The following TEX10 variants were observed in gnomAD, a reference collection of about 807,000 sequenced individuals.
TEX10 encodes the protein testis expressed 10, also known as testis-expressed protein 10.
In TEX10, 24 loss-of-function variants were observed where a neutral mutation model predicts 104.4. That is an observed-to-expected ratio of 0.23 (90% CI 0.17 to 0.32). The LOEUF (loss-of-function observed/expected upper bound fraction) is 0.32, where lower values mean the gene tolerates loss of function less well. TEX10 is among the 10% of genes least tolerant of loss of function. TEX10 has a pLI of 1.00. For missense variants in TEX10, 921 were observed against 1,083.9 expected (o/e 0.85, Z 2.11); for synonymous variants, 396 against 393.4 (o/e 1.01, Z -0.08).
chr9:100,321,595 CAAACTGAT>C, intron 10 of TEX10, 80 bp downstream of exon 10: 1 of 1,088,820 alleles, frequency 9.2e-7, no homozygotes, highest in Non-Finnish European at 1.4e-6. Flanking sequence ...AAAACTGAAC[CAAACTGAT>C]AAAATGGCAA....
Position 100,340,286 on chromosome 9 carries a change from G to C in TEX10, c.1221C>G (p.Thr407=), listed in dbSNP as rs1310118636. ...SRFPYVLKEI[T]KHKRKEPNKS... is the part of the protein sequence containing the mutation. ...TATTTGGCTCTTTCCTTTTGTGCTTGGTTATTTCTTTTAAGACATATGGAA... is the reference window on the plus strand; with the variant it reads ...TATTTGGCTCTTTCCTTTTGTGCTTCGTTATTTCTTTTAAGACATATGGAA... Residue 407 remains threonine, a synonymous_variant, in exon 5 of 15, where the codon ACC becomes ACG. Transcript: ENST00000374902. The C allele has an allele frequency of 2.5e-6, 4 of 1,573,116 alleles. No individual in the cohort carries two copies. The highest frequency in any genetic ancestry group is 2.8e-5 in the African/African-American group (2 of 72,168).
chr9:100,309,431 A>G (rs920443322), intron 12 of TEX10, among the ~76,000 whole-genome samples: 4 of 152,186 alleles, frequency 2.6e-5, no homozygotes, highest in Non-Finnish European at 5.9e-5. Flanking sequence ...CTGTGTGAAA[A>G]TAGTGGCCAA....
At chr9:100,345,345 TAAACTTCAACTTGAAATAAAAATAA>T in intron 4 of TEX10, among the ~76,000 whole-genome samples, 1 of 152,350 alleles carries the variant, frequency 6.6e-6, no homozygotes, top group Non-Finnish European at 1.5e-5. Flanking sequence ...TGACTCATTC[TAAACTTCAACTTGAAATAAAAATAA>T]AACAAAAACA....
intron 5 of TEX10, among the ~76,000 whole-genome samples, chr9:100,335,568 C>T (rs1834985809): frequency 6.6e-6 from 1 of 152,034 alleles, no homozygotes; most frequent in East Asian, 1.9e-4. Flanking sequence ...GTGAAACTGG[C>T]TTGTTTTTTT....
chr9:100,310,733 C>A (rs563625220), intron 11 of TEX10, among the ~76,000 whole-genome samples: 6 of 152,246 alleles, frequency 3.9e-5, no homozygotes, highest in African/African-American at 1.4e-4. Context: ...GCCACTGTGC[C>A]CAGCAATAGA....
intron 5 of TEX10, among the ~76,000 whole-genome samples, chr9:100,335,251 G>A (rs889521562): frequency 1.3e-5 from 2 of 152,064 alleles, no homozygotes; most frequent in Admixed American, 1.3e-4. Context: ...CGCCCAGGCT[G>A]GAGTGCAGTG....
At position 100,326,338 on chromosome 9, in the gene TEX10, C is replaced by T. The variant is rs200672466; in HGVS notation, c.1943G>A (p.Ser648Asn). Residue 648 changes from serine to asparagine, a missense_variant, in exon 9 of 15, where the codon AGT (serine) becomes AAT (asparagine). Physicochemically the swap from Ser to Asn is conservative, Grantham distance 46. Coordinates refer to ENST00000374902, the MANE Select transcript of TEX10 (RefSeq NM_017746.4). ...RCCIMGRLSS[S>N]LAAMLIGILH... ...TATCCCGATAAGCATGGCAGCCAAA[C>T]TTGAACTGAGTCTTCCCATAATACA... 5.0e-6 allele frequency: 8 copies of T among 1,613,866 alleles called. No homozygotes were observed. In the East Asian group the frequency reaches 1.6e-4, roughly 31 times the overall value.
intron 11 of TEX10, among the ~76,000 whole-genome samples, chr9:100,313,469 C>G (rs915533140): frequency 8.1e-5 from 12 of 148,806 alleles, no homozygotes; most frequent in Non-Finnish European, 1.8e-4. Flanking sequence ...GAGCAGAGAT[C>G]GTGCCATTGT....
At chr9:100,344,601 T>G (rs962928574) in intron 4 of TEX10, among the ~76,000 whole-genome samples, 1 of 152,176 alleles carries the variant, frequency 6.6e-6, no homozygotes, top group Non-Finnish European at 1.5e-5. Flanking sequence ...ACCCAACACT[T>G]TGGGAGGCTG....
At position 100,346,557 on chromosome 9, in the gene TEX10, A is replaced by G. The variant is rs368568992; in HGVS notation, c.893+137T>C. Reference sequence around the variant, plus strand: ...CATACAAATAACTCTTCCCATCAGTAAATAAAATCAAATCATGAGTAACTA... The same window carrying G: ...CATACAAATAACTCTTCCCATCAGTGAATAAAATCAAATCATGAGTAACTA... On this transcript the variant is annotated intron_variant, in intron 3 of 14. Coordinates refer to ENST00000374902, the MANE Select transcript of TEX10 (RefSeq NM_017746.4). 1.1e-5 allele frequency: 11 copies of G among 1,038,656 alleles called. No homozygotes were observed. In the South Asian group the frequency reaches 1.7e-4, roughly 16 times the overall value. 64.3% of individuals were successfully genotyped at this position (1,038,656 alleles called of 1,614,324 possible).
chr9:100,329,865 G>A, intron 6 of TEX10, 66 bp downstream of exon 6: 9 of 1,335,682 alleles, frequency 6.7e-6, no homozygotes, highest in Non-Finnish European at 9.4e-6. Context: ...TCATTTCAAA[G>A]CTAGACCTTA....
chr9:100,339,846 C>T (rs1564217740), intron 5 of TEX10, among the ~76,000 whole-genome samples: 3 of 151,832 alleles, frequency 2.0e-5, no homozygotes, highest in Non-Finnish European at 4.4e-5. Context: ...TACCCTCCTT[C>T]CTTCGGGATA....
chr9:100,352,382 G>A, intron 1 of TEX10: 1 of 1,551,680 alleles, frequency 6.4e-7, no homozygotes, highest in Non-Finnish European at 8.7e-7. Flanking sequence ...TCCCCACTCC[G>A]TATTCGGTCC....
At chr9:100,345,804 A>G (rs973566277) in intron 4 of TEX10, among the ~76,000 whole-genome samples, 11 of 152,166 alleles carry the variant, frequency 7.2e-5, no homozygotes, top group Non-Finnish European at 1.3e-4. Context: ...ACACTGTAAC[A>G]CTACTATGAA....
intron 5 of TEX10, 78 bp from the exon 6 acceptor site, chr9:100,330,247 T>TTTTTATAGATATAAGATATAAGAATA: frequency 8.8e-7 from 1 of 1,133,378 alleles, no homozygotes; most frequent in Non-Finnish European, 1.3e-6. Flanking sequence ...AAATAATCTA[T>TTTTTATAGATATAAGATATAAGAATA]CAATGGAGTT....
intron 5 of TEX10, among the ~76,000 whole-genome samples, 173 bp from the exon 6 acceptor site, chr9:100,330,342 C>T (rs1834825483): frequency 6.6e-6 from 1 of 152,130 alleles, no homozygotes; most frequent in South Asian, 2.1e-4. Context: ...ATAAATAAAC[C>T]ATTTCATTAT....
chr9:100,325,048 A>G (rs1253851591), intron 9 of TEX10, among the ~76,000 whole-genome samples: 1 of 152,176 alleles, frequency 6.6e-6, no homozygotes, highest in Non-Finnish European at 1.5e-5. Context: ...TATTTTATTT[A>G]TATGTTTTTC....
chr9:100,329,319 T>C (rs766469491), intron 6 of TEX10, 44 bp from the exon 7 acceptor site: 2 of 1,574,700 alleles, frequency 1.3e-6, no homozygotes, highest in South Asian at 1.2e-5. Flanking sequence ...TCAAAAAATG[T>C]TTAACAGCCC....
chr9:100,332,637 C>T (rs1254204502), intron 5 of TEX10, among the ~76,000 whole-genome samples: 3 of 151,998 alleles, frequency 2.0e-5, no homozygotes, highest in South Asian at 2.1e-4. Flanking sequence ...ATGGCTAACA[C>T]GGTGAAACCC....
Sources: allele counts gnomAD v4.1 joint callset (sites outside exome capture counted in the v4.1 genomes callset), GRCh38; gene constraint gnomAD v4.1.1; transcripts MANE v1.5; gene names NCBI Gene and HGNC (gene_info 2026-07-23, HGNC 2026-07-21).